The following PCDHGA1 variants were observed in gnomAD, a reference collection of about 807,000 sequenced individuals.
The protein encoded by PCDHGA1 is protocadherin gamma-A1.
A neutral mutation model predicts 58.0 loss-of-function variants in PCDHGA1; 32 were observed. The observed-to-expected ratio is 0.55, with a 90% CI of 0.42 to 0.74. The LOEUF is 0.74. PCDHGA1 is among the 30% of genes least tolerant of loss of function. The pLI is 0.00. For synonymous variants in PCDHGA1, 498 were observed against 501.1 expected, an observed-to-expected ratio of 0.99 and a Z score of 0.08; for missense variants, 1,205 against 1,182.3, an observed-to-expected ratio of 1.02 and a Z score of -0.28.
At chr5:141,355,936 G>A (rs1462167461) in intron 1 of PCDHGA1, 31 of 1,613,826 alleles carry the variant, frequency 1.9e-5, no homozygotes, top group Non-Finnish European at 2.5e-5. Flanking sequence ...CACTCAGCCC[G>A]AGTACCACGT....
intron 3 of PCDHGA1, among the ~76,000 whole-genome samples, chr5:141,505,875 T>C (rs991981462): frequency 2.6e-4 from 40 of 152,140 alleles, no homozygotes; most frequent in African/African-American, 9.2e-4. Flanking sequence ...AAAGGGTTGT[T>C]GTAGAGATTA....
chr5:141,469,881 G>A (rs922510082), intron 1 of PCDHGA1, among the ~76,000 whole-genome samples: 11 of 152,056 alleles, frequency 7.2e-5, no homozygotes, highest in Admixed American at 3.3e-4. Context: ...CTGTAATCTC[G>A]GCACTTTGGG....
In PCDHGA1 at chr5:141,331,597, G is replaced by A; in HGVS notation, c.913G>A (p.Glu305Lys). 1 of 1,613,984 alleles carries A rather than the reference G, an allele frequency of 6.2e-7. No homozygotes were observed. Among genetic ancestry groups the A allele is most frequent in the South Asian group, 1.1e-5 (1 of 91,066 alleles). The change falls in exon 1 of 4, where the codon GAA (glutamate) becomes AAA (lysine). Residue 305 changes from glutamate to lysine, a missense_variant. Coordinates refer to ENST00000517417, the MANE Select transcript of PCDHGA1 (RefSeq NM_018912.3). ...TTACACAGGAGAAATATCAAATAAAGAACCACTAGATTTCGAAGAATACAA... is the reference window on the plus strand; with the variant it reads ...TTACACAGGAGAAATATCAAATAAAAAACCACTAGATTTCGAAGAATACAA... ...DSYTGEISNK[E>K]PLDFEEYKMY...
At chr5:141,415,974 C>T (rs2095976813) in intron 1 of PCDHGA1, 1 of 375,644 alleles carries the variant, frequency 2.7e-6, no homozygotes, top group African/African-American at 2.1e-5. Flanking sequence ...GCCCCTTAAG[C>T]AACCCTCTTG....
At position 141,432,298 on chromosome 5, in the gene PCDHGA1, A is replaced by G; in HGVS notation, c.2422-62509A>G. 6.2e-7 allele frequency: 1 copy of G among 1,614,236 alleles called. No homozygotes were observed. The highest frequency in any genetic ancestry group is 8.5e-7 in the Non-Finnish European group (1 of 1,180,036). The stretch of plus-strand genomic sequence containing the variant: ...TGTCCATCAACTCCGACACTGGGGT[A>G]CTGTATGCGCTGAGCTCCTTCGACT... On this transcript the variant is annotated intron_variant, in intron 1 of 3. Transcript: ENST00000517417. This position sits in a 1 kb window ranked among gnomAD's most constrained non-coding sequence, Gnocchi z 6.0.
At chr5:141,433,091 A>C in intron 1 of PCDHGA1, 1 of 1,614,182 alleles carries the variant, frequency 6.2e-7, no homozygotes, top group Non-Finnish European at 8.5e-7. Flanking sequence ...CTATGCAGAC[A>C]TGCTCGTCAG....
Position 141,345,007 on chromosome 5 carries a change from C to A in PCDHGA1, c.2421+11902C>A. The stretch of plus-strand genomic sequence containing the variant: ...ATTAAAATTGAAGCACAGGATGGAC[C>A]AGGTCTTCTTTCAAGAGCCAAGATT... On this transcript the variant is annotated intron_variant, in intron 1 of 3. Coordinates refer to ENST00000517417, the MANE Select transcript of PCDHGA1 (RefSeq NM_018912.3). 1.2e-6 allele frequency: 2 copies of A among 1,613,806 alleles called. 1 individual carries two copies.
At chr5:141,351,775 G>C (rs757269142) in intron 1 of PCDHGA1, 8 of 1,613,356 alleles carry the variant, frequency 5.0e-6, no homozygotes, top group Non-Finnish European at 6.8e-6. Context: ...CCGTGAGCCC[G>C]CAGAGCGGGG....
intron 1 of PCDHGA1, chr5:141,357,613 A>G: frequency 6.2e-7 from 1 of 1,613,940 alleles, no homozygotes; most frequent in Non-Finnish European, 8.5e-7. Context: ...AGGAGACCCT[A>G]ATCTTCAGGT....
rs1245996830 is a variant in PCDHGA1, at chr5:141,332,570, C to T, written c.1886C>T (p.Ala629Val). 2 of 1,612,412 alleles carry T rather than the reference C, an allele frequency of 1.2e-6. No homozygotes were observed. The highest frequency in any genetic ancestry group is 8.5e-7 in the Non-Finnish European group (1 of 1,179,796). Residue 629 changes from alanine (A) to valine (V), a missense_variant, in exon 1 of 4, where the codon GCG becomes GTG. By Grantham distance (64) the Ala-to-Val change is moderately conservative (BLOSUM62 0). Transcript: ENST00000517417. The surrounding 1 kb of genome is among the most constrained non-coding windows in gnomAD (Gnocchi z 4.6). ...VGLHTGEVRTARALLDRDALK... is the reference protein window; with the variant it reads ...VGLHTGEVRTVRALLDRDALK... ...CTGCACACGGGCGAGGTGCGCACGG[C>T]GCGAGCCCTGCTGGACAGAGACGCG...
At position 141,493,512 on chromosome 5, in the gene PCDHGA1, C is replaced by A. The variant is rs1327850681; in HGVS notation, c.2422-1295C>A. The stretch of plus-strand genomic sequence containing the variant: ...CTGTGGCTCCTCATTTCTGAGCAGT[C>A]CCCGCAGCGCAAACTTGGCCAGTTA... On this transcript the variant is annotated intron_variant, in intron 1 of 3. Transcript: ENST00000517417. The surrounding 1 kb of genome is among the most constrained non-coding windows in gnomAD (Gnocchi z 4.3). Among the ~76,000 whole-genome samples the A allele has an allele frequency of 1.3e-5, 2 of 152,148 alleles. No individual in the cohort carries two copies. Among genetic ancestry groups the A allele is most frequent in the South Asian group, 4.1e-4 (2 of 4,824 alleles).
At chr5:141,357,628 C>G in intron 1 of PCDHGA1, 1 of 1,613,256 alleles carries the variant, frequency 6.2e-7, no homozygotes, top group Middle Eastern at 1.7e-4. Context: ...TCAGGTGAGT[C>G]AATCTTATAA....
At position 141,332,990 on chromosome 5, in the gene PCDHGA1, T is replaced by C; in HGVS notation, c.2306T>C (p.Ile769Thr). The C allele has an allele frequency of 6.2e-7, 1 of 1,614,098 alleles. No homozygotes were observed. The highest frequency in any genetic ancestry group is 8.5e-7 in the Non-Finnish European group (1 of 1,180,016). Residue 769 changes from isoleucine (I) to threonine (T), a missense_variant, in exon 1 of 4, where the codon ATT becomes ACT. Coordinates refer to ENST00000517417, the MANE Select transcript of PCDHGA1 (RefSeq NM_018912.3). This position sits in a 1 kb window ranked among gnomAD's most constrained non-coding sequence, Gnocchi z 4.6. ...LTADSRKSHL[I>T]FPQPNYADTL... ...GCGGACTCGCGGAAGAGCCACCTGA[T>C]TTTCCCCCAGCCCAACTATGCGGAC... is the stretch of plus-strand genomic sequence containing the variant.
chr5:141,375,335 T>C, intron 1 of PCDHGA1: 2 of 1,613,812 alleles, frequency 1.2e-6, no homozygotes, highest in Non-Finnish European at 1.7e-6. Flanking sequence ...GGTATTCTTG[T>C]ACAACATCAC....
In PCDHGA1 at chr5:141,487,086, TCCCACCACAGAAG is replaced by T. The variant is rs2099639456; in HGVS notation, c.2422-7719_2422-7707del. 6.2e-7 allele frequency: 1 copy of T among 1,613,822 alleles called. No homozygotes were observed. ...ACGGCTGTTCCTATCCCAGCTGACC[TCCCACCACAGAAG>T]CTGGTCATTGTGGTAAAGGATAGTG... On this transcript the variant is annotated intron_variant, in intron 1 of 3. Coordinates refer to ENST00000517417, the MANE Select transcript of PCDHGA1 (RefSeq NM_018912.3). The surrounding 1 kb of genome is among the most constrained non-coding windows in gnomAD (Gnocchi z 5.0).
intron 1 of PCDHGA1, chr5:141,404,795 G>A (rs769293241): frequency 5.0e-6 from 8 of 1,613,924 alleles, no homozygotes; most frequent in Admixed American, 1.7e-5. Flanking sequence ...CAGTGAGCCA[G>A]GGCTCTTCTC....
rs953428261 is a variant in PCDHGA1, at chr5:141,430,262, T to C, written c.2422-64545T>C. On this transcript the variant is annotated intron_variant, in intron 1 of 3. Coordinates refer to ENST00000517417, the MANE Select transcript of PCDHGA1 (RefSeq NM_018912.3). ...AACTCCTAGGGAGACATCTCCATAA[T>C]AGGTGTGTTGGGGGAACAGTAATCT... Among the ~76,000 whole-genome samples the C allele has an allele frequency of 2.6e-5, 4 of 151,892 alleles. No homozygotes were observed. The East Asian group carries it at 5.8e-4, about 22-fold the overall frequency.
chr5:141,476,317 G>C lies in PCDHGA1; in HGVS notation c.2422-18490G>C, dbSNP rs759809060. The C allele has an allele frequency of 1.2e-6, 2 of 1,614,052 alleles. No homozygotes were observed. The highest frequency in any genetic ancestry group is 2.7e-5 in the African/African-American group (2 of 74,922). ...GTAGCCTCTCAGCCCGCAGGTTCCGGGTGGTGTCTGGAGCTAGCCGAAGAT... is the reference window on the plus strand; with the variant it reads ...GTAGCCTCTCAGCCCGCAGGTTCCGCGTGGTGTCTGGAGCTAGCCGAAGAT... On this transcript the variant is annotated intron_variant, in intron 1 of 3. Coordinates refer to ENST00000517417, the MANE Select transcript of PCDHGA1 (RefSeq NM_018912.3). The surrounding 1 kb of genome is among the most constrained non-coding windows in gnomAD (Gnocchi z 7.6).
intron 1 of PCDHGA1, among the ~76,000 whole-genome samples, chr5:141,465,486 G>C (rs1221398075): frequency 6.6e-6 from 1 of 152,216 alleles, no homozygotes; most frequent in African/African-American, 2.4e-5. Flanking sequence ...TGAGAGGAAT[G>C]AGCGGGAGCA....
Sources: gnomAD v4.1 joint callset for allele counts (sites outside exome capture counted in the v4.1 genomes callset) on GRCh38, gnomAD v4.1.1 for gene constraint, Gnocchi (gnomAD v3.1) non-coding constraint, MANE v1.5 for transcripts, NCBI Gene and HGNC (gene_info 2026-07-23, HGNC 2026-07-21) for gene names.